The following IPCEF1 variants were observed in gnomAD, a reference collection of about 807,000 sequenced individuals.
IPCEF1 encodes the protein interactor protein for cytohesin exchange factors 1.
IPCEF1 carries 31 observed loss-of-function variants against 50.9 expected under a neutral mutation model. The ratio of observed to expected loss-of-function variants is 0.61; its 90% confidence interval spans 0.46 to 0.82. The LOEUF (loss-of-function observed/expected upper bound fraction) is 0.82, where lower values mean the gene tolerates loss of function less well. Among genes scored for constraint, IPCEF1 ranks in the 40% least tolerant of loss-of-function variants. IPCEF1 has a pLI of 0.00. For synonymous variants in IPCEF1, 181 were observed against 192.0 expected (o/e 0.94, Z 0.47); for missense variants, 458 against 514.0 (o/e 0.89, Z 1.05).
intron 2 of IPCEF1, among the ~76,000 whole-genome samples, chr6:154,275,145 A>T (rs1782023492): frequency 6.6e-6 from 1 of 152,182 alleles, no homozygotes; most frequent in Admixed American, 6.5e-5. Flanking sequence ...CCAGCTCCAG[A>T]TCCAAGGAAC....
chr6:154,266,447 C>T (rs1434326926), intron 2 of IPCEF1, among the ~76,000 whole-genome samples: 4 of 151,138 alleles, frequency 2.6e-5, no homozygotes. Flanking sequence ...ACTCAATAAG[C>T]CAACTGTTTA....
At chr6:154,245,949 C>G (rs769832280) in intron 5 of IPCEF1, among the ~76,000 whole-genome samples, 2 of 152,174 alleles carry the variant, frequency 1.3e-5, no homozygotes, top group African/African-American at 4.8e-5. Flanking sequence ...AGTATACCGA[C>G]TTTTTAAGGA....
chr6:154,310,668 A>G (rs1322256831), intron 1 of IPCEF1, among the ~76,000 whole-genome samples: 6 of 152,164 alleles, frequency 3.9e-5, no homozygotes, highest in Admixed American at 3.9e-4. Flanking sequence ...AATACTATAC[A>G]GACCTAAAAA....
chr6:154,275,040 C>CCT (rs1160407729), intron 2 of IPCEF1, among the ~76,000 whole-genome samples: 1 of 152,120 alleles, frequency 6.6e-6, no homozygotes, highest in East Asian at 1.9e-4. Flanking sequence ...TTCACCTACC[C>CCT]CTCAAAGACA....
At chr6:154,232,068 C>T (rs1779766364) in intron 5 of IPCEF1, among the ~76,000 whole-genome samples, 2 of 152,060 alleles carry the variant, frequency 1.3e-5, no homozygotes, top group African/African-American at 4.8e-5. Context: ...CTTTCTTCCC[C>T]TCTAAAATTG....
At chr6:154,266,585 T>TATAC (rs71021035) in intron 2 of IPCEF1, among the ~76,000 whole-genome samples, 8,010 of 135,386 alleles carry the variant, frequency 0.059, 285 homozygotes, top group African/African-American at 0.095. Context: ...TATATATATA[T>TATAC]ACACACAAAC....
intron 2 of IPCEF1, among the ~76,000 whole-genome samples, chr6:154,278,929 A>G: frequency 6.6e-6 from 1 of 150,730 alleles, no homozygotes; most frequent in East Asian, 1.9e-4. Context: ...AGCCTGGGCA[A>G]CATGGTGAAA....
rs550443867 is a variant in IPCEF1 at position 154,175,714 on chromosome 6, T to C, written c.911-7601A>G. 3.3e-5 allele frequency among the ~76,000 whole-genome samples: 5 copies of C among 152,224 alleles called. No homozygotes were observed. The East Asian group carries it at 9.6e-4, about 29-fold the overall frequency. ...CAACCAAAAAAAATCCAGGACCAGA[T>C]GGATTCGCAGCCGAATTCTACCAGA... On this transcript the variant is annotated intron_variant, in intron 10 of 11. Coordinates refer to ENST00000367220, the MANE Select transcript of IPCEF1 (RefSeq NM_001130700.2).
intron 1 of IPCEF1, among the ~76,000 whole-genome samples, chr6:154,322,662 C>A (rs558959454): frequency 2.6e-5 from 4 of 152,172 alleles, no homozygotes; most frequent in Non-Finnish European, 4.4e-5. Context: ...CATGGTGAAA[C>A]TCCCTCTCTA....
chr6:154,207,143 T>C (rs1030487321), intron 9 of IPCEF1, among the ~76,000 whole-genome samples: 1 of 152,050 alleles, frequency 6.6e-6, no homozygotes, highest in Non-Finnish European at 1.5e-5. Flanking sequence ...GGGCCTCAAC[T>C]AGGCAGTGGG....
chr6:154,196,778 C>T (rs1272665344), intron 10 of IPCEF1, among the ~76,000 whole-genome samples: 2 of 152,156 alleles, frequency 1.3e-5, no homozygotes, highest in East Asian at 3.8e-4. Context: ...TGAATAATTC[C>T]TAGAGCTCTG....
At chr6:154,274,487 A>G (rs1782004349) in intron 2 of IPCEF1, among the ~76,000 whole-genome samples, 1 of 152,168 alleles carries the variant, frequency 6.6e-6, no homozygotes, top group Non-Finnish European at 1.5e-5. Context: ...CTCCCAGTGG[A>G]CCATTTTACC....
chr6:154,251,656 T>C (rs893153550), intron 3 of IPCEF1, among the ~76,000 whole-genome samples: 15 of 152,122 alleles, frequency 9.9e-5, no homozygotes, highest in African/African-American at 3.1e-4. Context: ...CATAGTAAAC[T>C]GTTAGGATAT....
intron 2 of IPCEF1, among the ~76,000 whole-genome samples, chr6:154,282,839 C>T (rs1247355841): frequency 6.6e-6 from 1 of 152,262 alleles, no homozygotes; most frequent in South Asian, 2.1e-4. Flanking sequence ...GGGTGTCAGC[C>T]ATGAACGCTC....
At chr6:154,308,523 A>C (rs971949600) in intron 1 of IPCEF1, among the ~76,000 whole-genome samples, 1 of 152,212 alleles carries the variant, frequency 6.6e-6, no homozygotes, top group Non-Finnish European at 1.5e-5. Context: ...TTCTTTCCCA[A>C]GGCAATAGAG....
chr6:154,278,912 T>G (rs991165850), intron 2 of IPCEF1, among the ~76,000 whole-genome samples: 3 of 146,596 alleles, frequency 2.0e-5, no homozygotes, highest in Non-Finnish European at 4.5e-5. Flanking sequence ...CTCAGGAGTT[T>G]GAGACCAGCC....
At chr6:154,227,723 AAATT>A (rs1240684345) in intron 5 of IPCEF1, among the ~76,000 whole-genome samples, 4 of 152,310 alleles carry the variant, frequency 2.6e-5, no homozygotes, top group East Asian at 1.9e-4. Context: ...TCTCAAAAAA[AAATT>A]AATTAATTAA....
chr6:154,264,011 C>A (rs898861916), intron 3 of IPCEF1, among the ~76,000 whole-genome samples: 1 of 150,738 alleles, frequency 6.6e-6, no homozygotes, highest in African/African-American at 2.4e-5. Flanking sequence ...GCTGACCCCC[C>A]CCACCTCCCT....
At chr6:154,190,080 C>T (rs113597783) in intron 10 of IPCEF1, among the ~76,000 whole-genome samples, 195 of 152,226 alleles carry the variant, frequency 1.3e-3, no homozygotes, top group African/African-American at 4.5e-3. Flanking sequence ...GAATATTCTG[C>T]TCTCATGTAC....
Sources: gnomAD v4.1 joint callset for allele counts (sites outside exome capture counted in the v4.1 genomes callset) on GRCh38, gnomAD v4.1.1 for gene constraint, MANE v1.5 for transcripts, NCBI Gene and HGNC (gene_info 2026-07-23, HGNC 2026-07-21) for gene names.